LOC400499: variants seen among roughly 807,000 people sequenced by gnomAD.
the LOC400499 span, among the ~76,000 whole-genome samples, chr16:11,513,746 A>C: frequency 3.3e-5 from 5 of 152,132 alleles, no homozygotes; most frequent in Admixed American, 3.3e-4. Context: ...TTTTATTTAA[A>C]TTTAACTAAT....
the LOC400499 span, among the ~76,000 whole-genome samples, chr16:11,491,131 C>G: frequency 6.6e-6 from 1 of 152,194 alleles, no homozygotes; most frequent in African/African-American, 2.4e-5. Context: ...CAAAGGTTTA[C>G]TTACTTGTCT....
At chr16:11,426,484 A>G in the LOC400499 span, among the ~76,000 whole-genome samples, 1 of 152,186 alleles carries the variant, frequency 6.6e-6, no homozygotes, top group African/African-American at 2.4e-5. Context: ...ACCAATAGCA[A>G]ACATTAAAAT....
chr16:11,507,706 A>T, the LOC400499 span, among the ~76,000 whole-genome samples: 1 of 152,102 alleles, frequency 6.6e-6, no homozygotes, highest in African/African-American at 2.4e-5. Flanking sequence ...CTGAGGTGGG[A>T]GGACTGTTTG....
the LOC400499 span, among the ~76,000 whole-genome samples, chr16:11,517,695 C>T: frequency 6.6e-6 from 1 of 152,184 alleles, no homozygotes; most frequent in South Asian, 2.1e-4. Context: ...AAGGAGCTGG[C>T]ACCAGAATTC....
chr16:11,431,356 G>C, the LOC400499 span: 2 of 397,726 alleles, frequency 5.0e-6, no homozygotes, highest in African/African-American at 2.1e-5. Flanking sequence ...CTGGGCATCA[G>C]TTTCTCCTTC....
the LOC400499 span, chr16:11,417,577 C>T: frequency 0.092 from 36,643 of 398,400 alleles, 1,723 homozygotes; most frequent in Middle Eastern, 0.13. Flanking sequence ...CTGGTCTGGC[C>T]CAGGCATGGA....
At chr16:11,404,570 C>T in the LOC400499 span, 112,238 of 392,878 alleles carry the variant, frequency 0.29, 17,151 homozygotes, top group Admixed American at 0.49. Flanking sequence ...TGGTCTCAAA[C>T]TCCTGACCTC....
At chr16:11,502,475 C>T in the LOC400499 span, among the ~76,000 whole-genome samples, 4 of 152,220 alleles carry the variant, frequency 2.6e-5, no homozygotes, top group Non-Finnish European at 1.5e-5. Context: ...AGTGAAAGAA[C>T]AGGCATAGTG....
the LOC400499 span, among the ~76,000 whole-genome samples, chr16:11,436,123 A>G: frequency 3.9e-5 from 6 of 152,144 alleles, no homozygotes; most frequent in Non-Finnish European, 7.4e-5. Flanking sequence ...CACATGTGAA[A>G]TGGGAGTTCT....
the LOC400499 span, chr16:11,393,507 G>C: frequency 4.9e-6 from 6 of 1,232,212 alleles, no homozygotes; most frequent in Non-Finnish European, 5.1e-6. Context: ...TTGAGAAGTC[G>C]AGGTGGAGAC....
chr16:11,439,446 G>T, the LOC400499 span: 1 of 398,874 alleles, frequency 2.5e-6, no homozygotes, highest in South Asian at 1.3e-4. Flanking sequence ...GACAACCCTT[G>T]GCAGGCGAGT....
At chr16:11,522,791 T>G in the LOC400499 span, among the ~76,000 whole-genome samples, 16 of 152,182 alleles carry the variant, frequency 1.1e-4, no homozygotes, top group Non-Finnish European at 2.1e-4. Flanking sequence ...GTTGTTATTC[T>G]GATCTTTATA....
chr16:11,400,155 T>G, the LOC400499 span, among the ~76,000 whole-genome samples: 1 of 151,768 alleles, frequency 6.6e-6, no homozygotes, highest in Non-Finnish European at 1.5e-5. Context: ...AGGGCCAGCA[T>G]GATCTGTCCC....
chr16:11,505,440 CTTT>C, the LOC400499 span, among the ~76,000 whole-genome samples: 3 of 75,334 alleles, frequency 4.0e-5, no homozygotes, highest in African/African-American at 1.0e-4. Context: ...TTTAATTTTT[CTTT>C]TCTTTTTTTT....
At chr16:11,462,054 T>G in the LOC400499 span, 10 of 1,366,522 alleles carry the variant, frequency 7.3e-6, no homozygotes, top group South Asian at 1.1e-4. Context: ...AAGGAGGCAC[T>G]TGGGCCACCA....
chr16:11,526,402 A>G, the LOC400499 span, among the ~76,000 whole-genome samples: 7 of 152,238 alleles, frequency 4.6e-5, no homozygotes, highest in Non-Finnish European at 1.0e-4. Context: ...ATATTTTTTA[A>G]AGAAAGAAAA....
the LOC400499 span, among the ~76,000 whole-genome samples, chr16:11,526,953 C>G: frequency 6.6e-6 from 1 of 152,190 alleles, no homozygotes; most frequent in Non-Finnish European, 1.5e-5. Flanking sequence ...CACCTGTCAT[C>G]TCTCGCTCCT....
the LOC400499 span, among the ~76,000 whole-genome samples, chr16:11,427,958 G>A: frequency 2.6e-5 from 4 of 152,206 alleles, no homozygotes; most frequent in South Asian, 2.1e-4. Context: ...AAAGGGGTCC[G>A]GATCCAGACC....
At chr16:11,491,829 CG>C in the LOC400499 span, 1 of 398,910 alleles carries the variant, frequency 2.5e-6, no homozygotes, top group East Asian at 3.6e-5. Flanking sequence ...TTGGTATAGA[CG>C]GGAGAGCACC....
Sources: allele counts gnomAD v4.1 joint callset (sites outside exome capture counted in the v4.1 genomes callset), GRCh38; gene constraint gnomAD v4.1.1; transcripts MANE v1.5.